The following TM9SF4 variants were observed in gnomAD, a reference collection of about 807,000 sequenced individuals.
The protein encoded by TM9SF4 is transmembrane 9 superfamily member 4.
In TM9SF4, 26 loss-of-function variants were observed where a neutral mutation model predicts 90.4. That is an observed-to-expected ratio of 0.29 (90% CI 0.21 to 0.40). The LOEUF (loss-of-function observed/expected upper bound fraction) is 0.40. TM9SF4 is among the 10% of genes least tolerant of loss of function. The pLI is 1.00. For synonymous variants in TM9SF4, 293 were observed against 315.4 expected, an observed-to-expected ratio of 0.93 and a Z score of 0.75; for missense variants, 549 against 834.8, an observed-to-expected ratio of 0.66 and a Z score of 4.22.
In TM9SF4 at chr20:32,167,155, T is replaced by A. The variant is rs1385352723; in HGVS notation, c.*1711T>A. On this transcript the variant is annotated 3_prime_UTR_variant, in exon 18 of 18. Transcript: ENST00000398022. ...TCATAAAGGGTTCAAAGATCATCAATTTTTCTGACTTTTTAAATCATTATC... is the reference window on the plus strand; with the variant it reads ...TCATAAAGGGTTCAAAGATCATCAAATTTTCTGACTTTTTAAATCATTATC... 4 of 152,232 alleles carry A rather than the reference T, an allele frequency of 2.6e-5. No individual in the cohort carries two copies. In the East Asian group the frequency reaches 7.7e-4, roughly 29 times the overall value. 9.4% of individuals were successfully genotyped at this position (152,232 alleles called of 1,614,324 possible). A position where few individuals can be genotyped will look rare whatever the true frequency, so the allele number is the denominator to read the frequency against.
intron 17 of TM9SF4, among the ~76,000 whole-genome samples, chr20:32,163,262 A>AT (rs1321501211): frequency 1.4e-5 from 1 of 71,230 alleles, no homozygotes; most frequent in African/African-American, 6.0e-5. Flanking sequence ...AAAAAAAAAA[A>AT]AAAAAAATAT....
chr20:32,147,024 AGGCT>A (rs2046773210), intron 9 of TM9SF4, among the ~76,000 whole-genome samples, 169 bp downstream of exon 9: 1 of 149,006 alleles, frequency 6.7e-6, no homozygotes, highest in Non-Finnish European at 1.5e-5. Context: ...CTCTGTCACC[AGGCT>A]GGAGTGCAGT....
intron 1 of TM9SF4, among the ~76,000 whole-genome samples, chr20:32,125,681 C>CTTTTTTTTTTTTTTT (rs11470673): frequency 9.2e-6 from 1 of 108,950 alleles, no homozygotes; most frequent in Non-Finnish European, 1.8e-5. Context: ...TCTCTTTTTT[C>CTTTTTTTTTTTTTTT]TTTTTTTTTT....
intron 12 of TM9SF4, among the ~76,000 whole-genome samples, chr20:32,153,593 A>G (rs893382070): frequency 6.6e-6 from 1 of 152,006 alleles, no homozygotes; most frequent in Non-Finnish European, 1.5e-5. Context: ...TACAAAAAAT[A>G]AATTACTTGG....
intron 2 of TM9SF4, among the ~76,000 whole-genome samples, chr20:32,135,307 C>A (rs1001711342): frequency 6.6e-6 from 1 of 152,078 alleles, no homozygotes; most frequent in Non-Finnish European, 1.5e-5. Flanking sequence ...AGTTATTTTT[C>A]ATTTTTCCTC....
rs1389635308 is a variant in TM9SF4, at chr20:32,130,134, C to T, written c.16-2879C>T. On this transcript the variant is annotated intron_variant, in intron 1 of 17. Coordinates refer to ENST00000398022, the MANE Select transcript of TM9SF4 (RefSeq NM_014742.4). ...TAATATCTAAAATAGACAGTGCCAT[C>T]GGATACAGCCATTAGTTCTAAGTTG... 2.6e-5 allele frequency among the ~76,000 whole-genome samples: 4 copies of T among 152,262 alleles called. No homozygotes were observed. The East Asian group carries it at 5.8e-4, about 22-fold the overall frequency.
intron 2 of TM9SF4, among the ~76,000 whole-genome samples, chr20:32,134,077 G>C (rs1057509645): frequency 1.3e-5 from 2 of 151,480 alleles, no homozygotes; most frequent in African/African-American, 2.4e-5. Context: ...GCCTCCCAGA[G>C]TGCTGGGATT....
At position 32,159,838 on chromosome 20, in the gene TM9SF4, C is replaced by A. The variant is rs1369180049; in HGVS notation, c.1570-154C>A. ...TAAGGACAGTGTGGCTCACCCCCTGCTCTGGGGAAGAGGGGCCAGAGCCAC... is the reference window on the plus strand; with the variant it reads ...TAAGGACAGTGTGGCTCACCCCCTGATCTGGGGAAGAGGGGCCAGAGCCAC... On this transcript the variant is annotated intron_variant, in intron 15 of 17. Coordinates refer to ENST00000398022, the MANE Select transcript of TM9SF4 (RefSeq NM_014742.4). 4.7e-6 allele frequency: 5 copies of A among 1,072,266 alleles called. 1 individual carries two copies. In the African/African-American group the frequency reaches 4.7e-5, roughly 10 times the overall value. The allele number at this position is 1,072,266 out of a possible 1,614,324, so 66.4% of individuals were successfully genotyped here.
chr20:32,141,791 A>G lies in TM9SF4; in HGVS notation c.424A>G (p.Thr142Ala). The G allele has an allele frequency of 1.9e-6, 3 of 1,614,130 alleles. No individual in the cohort carries two copies. The highest frequency in any genetic ancestry group is 2.5e-6 in the Non-Finnish European group (3 of 1,180,020). Reference sequence around the variant, plus strand: ...CATTGCTGACAACCTGCCTGTGGCCACCCGGCTGGAGCTCTACTCCAACCG... The same window carrying G: ...CATTGCTGACAACCTGCCTGTGGCCGCCCGGCTGGAGCTCTACTCCAACCG... ...HLIADNLPVATRLELYSNRDS... is the reference protein window; with the variant it reads ...HLIADNLPVAARLELYSNRDS... Residue 142 changes from threonine to alanine, a missense_variant, in exon 5 of 18, where the codon ACC becomes GCC. Transcript: ENST00000398022.
At chr20:32,120,459 A>C (rs1023176048) in intron 1 of TM9SF4, among the ~76,000 whole-genome samples, 5 of 137,258 alleles carry the variant, frequency 3.6e-5, no homozygotes, top group African/African-American at 1.4e-4. Flanking sequence ...AAATACAATT[A>C]ATTTTTCTAT....
chr20:32,116,488 T>C (rs535724279), intron 1 of TM9SF4: 1 of 152,490 alleles, frequency 6.6e-6, no homozygotes, highest in African/African-American at 2.4e-5. Context: ...AGGGTGGTTA[T>C]TAGTTTCACC....
chr20:32,154,628 T>A (rs1422386426), intron 12 of TM9SF4, among the ~76,000 whole-genome samples: 2 of 152,044 alleles, frequency 1.3e-5, no homozygotes, highest in African/African-American at 4.8e-5. Context: ...ATTTTTTGTA[T>A]TTTTAGTAGA....
chr20:32,162,995 C>T (rs1014076699), intron 17 of TM9SF4, among the ~76,000 whole-genome samples: 23 of 152,112 alleles, frequency 1.5e-4, no homozygotes, highest in African/African-American at 5.3e-4. Context: ...AGGGCTCAAT[C>T]CCAGCACTTC....
In TM9SF4 at chr20:32,123,866, A is replaced by ATATATATATATAT; in HGVS notation, c.16-9146_16-9145insATATATATATATT. ...CTCTCATATATATATATATATATAT[A>ATATATATATATAT]TTTTTTTTTTTAAAGAGATAGGGTC... On this transcript the variant is annotated intron_variant, in intron 1 of 17. Coordinates refer to ENST00000398022, the MANE Select transcript of TM9SF4 (RefSeq NM_014742.4). Among the ~76,000 whole-genome samples, 348 of 93,932 alleles carry ATATATATATATAT rather than the reference A, an allele frequency of 3.7e-3. 6 individuals are homozygous for ATATATATATATAT. Among genetic ancestry groups the ATATATATATATAT allele is most frequent in the Admixed American group, 0.026 (220 of 8,342 alleles). 61.6% of individuals were successfully genotyped at this position (93,932 alleles called of 152,430 possible).
rs1486790392 is a variant in TM9SF4 at position 32,161,369 on chromosome 20, CTGCCCTCCTTG to C, written c.1779+5_1779+15del. 3 of 1,613,552 alleles carry C rather than the reference CTGCCCTCCTTG, an allele frequency of 1.9e-6. No individual in the cohort carries two copies. In the South Asian group the frequency reaches 3.3e-5, roughly 18 times the overall value. ...CATCTTTTATTTCGTTAACAAGGTA[CTGCCCTCCTTG>C]AGGAGGTCCTCTTAGTCCTCATAGG... On this transcript the variant is annotated splice_donor_5th_base_variant and intron_variant, in intron 17 of 17. Transcript: ENST00000398022.
intron 6 of TM9SF4, among the ~76,000 whole-genome samples, chr20:32,144,262 A>G (rs2046727106): frequency 2.0e-5 from 3 of 152,138 alleles, no homozygotes; most frequent in Admixed American, 2.0e-4. Context: ...TATCTTAAGC[A>G]CCTAGCACAG....
intron 13 of TM9SF4, 105 bp downstream of exon 13, chr20:32,155,291 G>T: frequency 1.0e-6 from 1 of 961,048 alleles, no homozygotes. Context: ...TCCCTTTTCT[G>T]AGTCCCCAGA....
At chr20:32,163,203 G>A (rs1312170770) in intron 17 of TM9SF4, among the ~76,000 whole-genome samples, 2 of 135,872 alleles carry the variant, frequency 1.5e-5, no homozygotes, top group Non-Finnish European at 3.0e-5. Context: ...CCAAGATCGT[G>A]CCACTGCACT....
chr20:32,157,255 C>T (rs2046939408), intron 13 of TM9SF4, among the ~76,000 whole-genome samples: 1 of 152,100 alleles, frequency 6.6e-6, no homozygotes, highest in African/African-American at 2.4e-5. Context: ...TCCCGGCCTT[C>T]CTGAACATTT....
Sources: gnomAD v4.1 joint callset for allele counts (sites outside exome capture counted in the v4.1 genomes callset) on GRCh38, gnomAD v4.1.1 for gene constraint, MANE v1.5 for transcripts, NCBI Gene and HGNC (gene_info 2026-07-23, HGNC 2026-07-21) for gene names.